The following FANCA variants were observed in gnomAD, a reference collection of about 807,000 sequenced individuals.
FANCA encodes the protein Fanconi anemia group A protein.
A neutral mutation model predicts 194.3 loss-of-function variants in FANCA; 236 were observed. That is an observed-to-expected ratio of 1.21 (90% CI 1.09 to 1.35). The LOEUF (loss-of-function observed/expected upper bound fraction) is 1.35. Among genes scored for constraint, FANCA ranks in the 40% most tolerant of loss-of-function variants. The pLI is 0.00. For missense variants in FANCA, 2,628 were observed against 1,813.9 expected (o/e 1.45, Z -8.15); for synonymous variants, 1,014 against 715.8 (o/e 1.42, Z -6.65).
chr16:89,747,024 T>C, intron 33 of FANCA, 134 bp from the exon 34 acceptor site: 2 of 866,060 alleles, frequency 2.3e-6, no homozygotes, highest in South Asian at 2.9e-5. Flanking sequence ...TGGATGGTGC[T>C]CCTGGGCTGA....
chr16:89,786,891 A>G (rs2143491697), intron 14 of FANCA, among the ~76,000 whole-genome samples: 1 of 152,300 alleles, frequency 6.6e-6, no homozygotes, highest in Non-Finnish European at 1.5e-5. Context: ...CCCGCCAAGC[A>G]CACCATGTCT....
intron 6 of FANCA, among the ~76,000 whole-genome samples, chr16:89,806,767 C>T (rs901677501): frequency 2.6e-5 from 4 of 152,190 alleles, no homozygotes; most frequent in African/African-American, 9.7e-5. Context: ...ACAGACACAG[C>T]AACCATCTGA....
chr16:89,769,016 G>A (rs529717970), intron 26 of FANCA, among the ~76,000 whole-genome samples: 21 of 152,312 alleles, frequency 1.4e-4, no homozygotes, highest in Non-Finnish European at 2.8e-4. Context: ...CCTGCTCCCC[G>A]AGGCCCATGT....
Position 89,782,869 on chromosome 16 carries a change from T to A in FANCA, c.1616A>T (p.Asp539Val). The change falls in exon 17 of 43, where the codon GAC becomes GTC. Residue 539 changes from aspartate (D) to valine (V), a missense_variant. Physicochemically the swap from Asp to Val is radical, Grantham distance 152. Transcript: ENST00000389301. ...GLYEDLSSAGDITEPHSQALQ... is the reference protein window; with the variant it reads ...GLYEDLSSAGVITEPHSQALQ... ...CTCAAGCAACATTACCTCAGTAATG[T>A]CCCCAGCTGATGACAAATCCTCGTA... The A allele has an allele frequency of 6.2e-7, 1 of 1,613,912 alleles. No individual in the cohort carries two copies. The highest frequency in any genetic ancestry group is 2.2e-5 in the East Asian group (1 of 44,884).
intron 18 of FANCA, among the ~76,000 whole-genome samples, chr16:89,779,324 G>A (rs2039622998): frequency 6.6e-6 from 1 of 152,110 alleles, no homozygotes; most frequent in Non-Finnish European, 1.5e-5. Context: ...TCAAAACCCT[G>A]GGAGCTGCAA....
chr16:89,769,452 A>G (rs990860194), intron 26 of FANCA, among the ~76,000 whole-genome samples: 4 of 152,144 alleles, frequency 2.6e-5, no homozygotes, highest in Admixed American at 2.0e-4. Flanking sequence ...AGGTGTACAC[A>G]CTGGGAAGCT....
In FANCA at chr16:89,816,637, G is replaced by A. The variant is rs1450358327; in HGVS notation, c.-22C>T. ...ACATGGCCTTGGCGCCTACAGCCCC[G>A]GCGGCGGCTCCCTGCGCCCGAGCCC... On this transcript the variant is annotated 5_prime_UTR_variant, in exon 1 of 43. Coordinates refer to ENST00000389301, the MANE Select transcript of FANCA (RefSeq NM_000135.4). The A allele has an allele frequency of 3.3e-6, 5 of 1,516,062 alleles. No individual in the cohort carries two copies. The South Asian group carries it at 3.6e-5, about 11-fold the overall frequency. The allele number at this position is 1,516,062 out of a possible 1,614,324, so 93.9% of individuals were successfully genotyped here.
At chr16:89,765,100 T>G in intron 27 of FANCA, 34 bp from the exon 28 acceptor site, 1 of 1,612,696 alleles carries the variant, frequency 6.2e-7, no homozygotes, top group Non-Finnish European at 8.5e-7. Context: ...GTTTCTTCAT[T>G]GCGCAAGTTT....
At chr16:89,768,706 A>G (rs2039215604) in intron 26 of FANCA, among the ~76,000 whole-genome samples, 1 of 152,020 alleles carries the variant, frequency 6.6e-6, no homozygotes, top group Non-Finnish European at 1.5e-5. Flanking sequence ...AACACACACC[A>G]AATATATATT....
chr16:89,798,904 T>C (rs1262107171), intron 10 of FANCA: 3 of 1,592,190 alleles, frequency 1.9e-6, no homozygotes, highest in Non-Finnish European at 1.7e-6. Context: ...GGACAAACAT[T>C]GGTGCAGGAC....
In FANCA at chr16:89,783,804, C is replaced by T. The variant is rs59592055; in HGVS notation, c.1471-702G>A. Among the ~76,000 whole-genome samples the T allele has an allele frequency of 1.4e-3, 213 of 152,124 alleles. 2 individuals carry two copies. Among genetic ancestry groups the T allele is most frequent in the African/African-American group, 4.9e-3 (203 of 41,554 alleles). ...TTGAGAGGGAGTTTTGCTCTTATTG[C>T]CCAGGCTGGAGTGCAATGGTGCAGT... On this transcript the variant is annotated intron_variant, in intron 15 of 42. Transcript: ENST00000389301.
At chr16:89,791,250 C>A (rs2040066212) in intron 14 of FANCA, 153 bp downstream of exon 14, 6 of 996,910 alleles carry the variant, frequency 6.0e-6, no homozygotes, top group Admixed American at 2.0e-5. Flanking sequence ...CTCCTCGGCA[C>A]ACGCAGAGGA....
chr16:89,803,390 G>C, intron 7 of FANCA, 49 bp from the exon 8 acceptor site: 16 of 1,540,186 alleles, frequency 1.0e-5, no homozygotes, highest in Non-Finnish European at 1.4e-5. Context: ...TGGTCTCCAA[G>C]CAACTGTGAA....
Position 89,749,914 on chromosome 16 carries a change from C to T in FANCA, c.3067-12G>A, listed in dbSNP as rs2038522791. The T allele has an allele frequency of 2.5e-6, 4 of 1,613,784 alleles. No individual in the cohort carries two copies. Among genetic ancestry groups the T allele is most frequent in the Non-Finnish European group, 2.5e-6 (3 of 1,179,986 alleles). ...TCAGCTACCATCTCCTGAAAAAGAG[C>T]AGTATGCTGGCACAGGAAGGCCTCG... On this transcript the variant is annotated splice_polypyrimidine_tract_variant and intron_variant, in intron 31 of 42. Coordinates refer to ENST00000389301, the MANE Select transcript of FANCA (RefSeq NM_000135.4).
At chr16:89,812,028 C>A (rs550853262) in intron 3 of FANCA, among the ~76,000 whole-genome samples, 9 of 149,880 alleles carry the variant, frequency 6.0e-5, no homozygotes, top group South Asian at 2.2e-4. Flanking sequence ...ACCACGTGAG[C>A]CAAAATTAAT....
intron 5 of FANCA, among the ~76,000 whole-genome samples, chr16:89,809,135 T>A (rs1008325710): frequency 5.3e-5 from 8 of 151,944 alleles, no homozygotes; most frequent in African/African-American, 1.9e-4. Flanking sequence ...CTCGATCTCC[T>A]GACCTCATGA....
chr16:89,739,416 G>C, intron 40 of FANCA, 62 bp downstream of exon 40: 1 of 1,555,092 alleles, frequency 6.4e-7, no homozygotes, highest in South Asian at 1.2e-5. Context: ...GGACCCAGAG[G>C]TGCTGAGATG....
At chr16:89,805,210 G>T (rs2040593786) in intron 7 of FANCA, 70 bp downstream of exon 7, 1 of 1,211,226 alleles carries the variant, frequency 8.3e-7, no homozygotes, top group Non-Finnish European at 1.2e-6. Context: ...CAGAGCTCTT[G>T]AGAGCAGAAG....
At chr16:89,749,684 C>G (rs2038512371) in intron 32 of FANCA, 46 bp downstream of exon 32, 1 of 1,583,448 alleles carries the variant, frequency 6.3e-7, no homozygotes. Flanking sequence ...TGAGATGCTG[C>G]CCTGCCCAGG....
Sources: gnomAD v4.1 joint callset for allele counts (sites outside exome capture counted in the v4.1 genomes callset) on GRCh38, gnomAD v4.1.1 for gene constraint, MANE v1.5 for transcripts, NCBI Gene and HGNC (gene_info 2026-07-23, HGNC 2026-07-21) for gene names.